OPCML: variants seen among roughly 807,000 people sequenced by gnomAD.
OPCML encodes the protein opioid-binding protein/cell adhesion molecule.
In OPCML, 13 loss-of-function variants were observed where a neutral mutation model predicts 37.8. That is an observed-to-expected ratio of 0.34 (90% confidence interval 0.22 to 0.55). The LOEUF (loss-of-function observed/expected upper bound fraction) is 0.55, where lower values mean the gene tolerates loss of function less well. Ranked by LOEUF, OPCML falls within the 20% of genes least tolerant of loss-of-function variation. The probability of loss-of-function intolerance (pLI) is 0.91; values close to 1 mark genes in which losing one functional copy is unlikely to be tolerated. For missense variants in OPCML, 341 were observed against 435.6 expected, an observed-to-expected ratio of 0.78 and a Z score of 1.93; for synonymous variants, 176 against 168.8, an observed-to-expected ratio of 1.04 and a Z score of -0.33.
At chr11:133,524,042 C>A (rs1312298347) in intron 1 of OPCML, among the ~76,000 whole-genome samples, 1 of 152,206 alleles carries the variant, frequency 6.6e-6, no homozygotes, top group African/African-American at 2.4e-5. Flanking sequence ...GGACTGTAAG[C>A]TTCATGAGAG....
chr11:133,148,354 T>C (rs1949927192), intron 1 of OPCML, among the ~76,000 whole-genome samples: 1 of 152,174 alleles, frequency 6.6e-6, no homozygotes, highest in Admixed American at 6.5e-5. Context: ...ACGATAAACT[T>C]GGAGGGAACG....
intron 3 of OPCML, among the ~76,000 whole-genome samples, chr11:132,530,655 T>G (rs2137300754): frequency 6.6e-6 from 1 of 151,676 alleles, no homozygotes; most frequent in South Asian, 2.1e-4. Flanking sequence ...CCGTTTCCTC[T>G]AACACAGCAC....
chr11:133,484,802 T>A (rs1165428761), intron 1 of OPCML, among the ~76,000 whole-genome samples: 3 of 151,992 alleles, frequency 2.0e-5, no homozygotes, highest in Non-Finnish European at 4.4e-5. Context: ...AATGATAAGT[T>A]GTTACATTAA....
intron 1 of OPCML, among the ~76,000 whole-genome samples, chr11:133,342,920 G>A (rs1943907837): frequency 6.6e-6 from 1 of 152,148 alleles, no homozygotes; most frequent in South Asian, 2.1e-4. Flanking sequence ...TCTTTTCTTT[G>A]GAAACAGGGT....
At chr11:133,476,463 C>T (rs1947243008) in intron 1 of OPCML, among the ~76,000 whole-genome samples, 2 of 151,958 alleles carry the variant, frequency 1.3e-5, no homozygotes, top group Admixed American at 1.3e-4. Context: ...GGCTCAATTG[C>T]ACAGTTCAGA....
At chr11:132,584,492 T>C (rs140134182) in intron 3 of OPCML, among the ~76,000 whole-genome samples, 2 of 152,328 alleles carry the variant, frequency 1.3e-5, no homozygotes, top group African/African-American at 4.8e-5. Context: ...GAGTTAATAC[T>C]TTTATTTAAA....
At chr11:133,209,694 G>T (rs765797491) in intron 1 of OPCML, among the ~76,000 whole-genome samples, 2 of 152,152 alleles carry the variant, frequency 1.3e-5, no homozygotes, top group Non-Finnish European at 2.9e-5. Flanking sequence ...TCTATGAATG[G>T]TGTGTTGAAC....
At chr11:132,449,477 C>T (rs2096063344) in intron 4 of OPCML, among the ~76,000 whole-genome samples, 1 of 152,136 alleles carries the variant, frequency 6.6e-6, no homozygotes, top group Non-Finnish European at 1.5e-5. Context: ...ATGCTTCTAC[C>T]TACTTTCTGT....
chr11:133,484,555 C>T (rs998169026), intron 1 of OPCML, among the ~76,000 whole-genome samples: 5 of 151,990 alleles, frequency 3.3e-5, no homozygotes, highest in Non-Finnish European at 7.4e-5. Flanking sequence ...ACTGAGGACA[C>T]ATAACAGATA....
chr11:132,930,458 A>T (rs2136627239), intron 2 of OPCML, among the ~76,000 whole-genome samples: 1 of 152,330 alleles, frequency 6.6e-6, no homozygotes, highest in Non-Finnish European at 1.5e-5. Context: ...ATATAATCTT[A>T]TGTGTAGAAA....
At chr11:133,496,491 G>A (rs1947790539) in intron 1 of OPCML, among the ~76,000 whole-genome samples, 1 of 152,194 alleles carries the variant, frequency 6.6e-6, no homozygotes, top group South Asian at 2.1e-4. Flanking sequence ...GCTTTTGACA[G>A]TATGGTCATT....
intron 1 of OPCML, among the ~76,000 whole-genome samples, chr11:133,041,766 A>G (rs2136947008): frequency 6.6e-6 from 1 of 152,304 alleles, no homozygotes; most frequent in African/African-American, 2.4e-5. Flanking sequence ...GAATGTACTT[A>G]AAAAGACAAA....
At chr11:132,838,257 G>A (rs1471678931) in intron 2 of OPCML, among the ~76,000 whole-genome samples, 8 of 152,132 alleles carry the variant, frequency 5.3e-5, no homozygotes. Flanking sequence ...GGTATTAACG[G>A]TCAAGAGAAA....
intron 4 of OPCML, among the ~76,000 whole-genome samples, chr11:132,490,780 C>T (rs1030088279): frequency 1.3e-5 from 2 of 149,336 alleles, no homozygotes; most frequent in Non-Finnish European, 3.0e-5. Flanking sequence ...CACTGCACTC[C>T]AGCCTGGGTG....
rs571101700 is a variant in OPCML at position 132,490,659 on chromosome 11, A to T, written c.505+38402T>A. Among the ~76,000 whole-genome samples, 699 of 152,108 alleles carry T rather than the reference A, an allele frequency of 4.6e-3. 3 individuals carry two copies. Among genetic ancestry groups the T allele is most frequent in the African/African-American group, 0.016 (665 of 41,518 alleles). Reference sequence around the variant, plus strand: ...CAGTGAAACCCCGTCTCTACTAAAAATACAAAAAAATTAGCCGGGTGTGGT... The same window carrying T: ...CAGTGAAACCCCGTCTCTACTAAAATTACAAAAAAATTAGCCGGGTGTGGT... On this transcript the variant is annotated intron_variant, in intron 4 of 7. Transcript: ENST00000524381.
In OPCML at chr11:133,444,652, G is replaced by A. The variant is rs149766447; in HGVS notation, c.61+87612C>T. Among the ~76,000 whole-genome samples, 389 of 152,260 alleles carry A rather than the reference G, an allele frequency of 2.6e-3. 4 individuals are homozygous for A. The highest frequency in any genetic ancestry group is 3.9e-3 in the East Asian group (20 of 5,184). On this transcript the variant is annotated intron_variant, in intron 1 of 7. Coordinates refer to ENST00000524381, the MANE Select transcript of OPCML (RefSeq NM_001012393.5). ...TATACTTACAGGGTAACAAAATATC[G>A]TAATCAATAATAAATACTAAGTCAA... is the stretch of plus-strand genomic sequence containing the variant.
chr11:133,394,580 G>A (rs1592261784), intron 1 of OPCML, among the ~76,000 whole-genome samples: 1 of 152,158 alleles, frequency 6.6e-6, no homozygotes, highest in Non-Finnish European at 1.5e-5. Flanking sequence ...CCATGCTATA[G>A]TAACCATCCT....
At chr11:132,800,107 G>GT (rs1320524082) in intron 2 of OPCML, among the ~76,000 whole-genome samples, 17 of 152,066 alleles carry the variant, frequency 1.1e-4, no homozygotes, top group African/African-American at 3.9e-4. Context: ...TTTCAATAAT[G>GT]TTTTGTAGAT....
At chr11:132,588,142 GA>G (rs1428507506) in intron 3 of OPCML, among the ~76,000 whole-genome samples, 1 of 152,136 alleles carries the variant, frequency 6.6e-6, no homozygotes, top group African/African-American at 2.4e-5. Context: ...ACCAGGATCA[GA>G]ATCCTGGTGG....
Sources: gnomAD v4.1 joint callset for allele counts (sites outside exome capture counted in the v4.1 genomes callset) on GRCh38, gnomAD v4.1.1 for gene constraint, MANE v1.5 for transcripts, NCBI Gene and HGNC (gene_info 2026-07-23, HGNC 2026-07-21) for gene names.